Variants in PKP2 observed in about 807,000 individuals in gnomAD.
The protein encoded by PKP2 is plakophilin-2.
PKP2 carries 73 observed loss-of-function variants against 83.4 expected under a neutral mutation model. The observed-to-expected ratio is 0.88, with a 90% confidence interval of 0.72 to 1.06. PKP2 has a LOEUF of 1.06. Ranked by LOEUF, PKP2 falls within the 50% of genes least tolerant of loss-of-function variation. The probability of loss-of-function intolerance (pLI) is 0.00; values close to 1 mark genes in which losing one functional copy is unlikely to be tolerated. For missense variants in PKP2, 966 were observed against 1,065.4 expected, an observed-to-expected ratio of 0.91 and a Z score of 1.30; for synonymous variants, 409 against 430.4, an observed-to-expected ratio of 0.95 and a Z score of 0.62.
At chr12:32,864,791 C>T (rs1956832158) in intron 4 of PKP2, among the ~76,000 whole-genome samples, 1 of 152,142 alleles carries the variant, frequency 6.6e-6, no homozygotes, top group South Asian at 2.1e-4. Flanking sequence ...CGATAGTAAT[C>T]AAGACTGTGG....
chr12:32,817,311 C>G (rs763050294), intron 9 of PKP2, among the ~76,000 whole-genome samples: 1 of 152,176 alleles, frequency 6.6e-6, no homozygotes, highest in African/African-American at 2.4e-5. Flanking sequence ...ACGTTAAGAC[C>G]TCAAAATGTA....
intron 1 of PKP2, among the ~76,000 whole-genome samples, chr12:32,879,881 A>G (rs1325436183): frequency 6.6e-6 from 1 of 151,992 alleles, no homozygotes; most frequent in African/African-American, 2.4e-5. Context: ...TTAAAAAAAG[A>G]AAAAGAAGGG....
At chr12:32,836,693 A>C (rs181322809) in intron 6 of PKP2, among the ~76,000 whole-genome samples, 9 of 152,346 alleles carry the variant, frequency 5.9e-5, no homozygotes, top group East Asian at 3.9e-4. Flanking sequence ...TCTGAAAATA[A>C]CACCAATGAA....
chr12:32,830,706 A>G (rs1179491587), intron 6 of PKP2, among the ~76,000 whole-genome samples: 2 of 152,132 alleles, frequency 1.3e-5, no homozygotes, highest in African/African-American at 4.8e-5. Context: ...CAGGAGTTCA[A>G]GACCGCCTGG....
chr12:32,818,059 T>C (rs1956336452), intron 9 of PKP2, among the ~76,000 whole-genome samples: 1 of 152,156 alleles, frequency 6.6e-6, no homozygotes, highest in Non-Finnish European at 1.5e-5. Context: ...GCCTAGTCTG[T>C]GAAAAAACTG....
intron 3 of PKP2, among the ~76,000 whole-genome samples, chr12:32,874,464 A>G (rs1157806211): frequency 1.3e-5 from 2 of 152,084 alleles, no homozygotes; most frequent in Non-Finnish European, 2.9e-5. Context: ...ATAATCAGAG[A>G]AAAAAAGTTG....
intron 10 of PKP2, among the ~76,000 whole-genome samples, chr12:32,798,016 T>G (rs1240200546): frequency 6.6e-6 from 1 of 151,472 alleles, no homozygotes; most frequent in Non-Finnish European, 1.5e-5. Context: ...AATTAAATAG[T>G]AAATAAATAA....
chr12:32,851,628 C>G (rs1440005823), intron 4 of PKP2, among the ~76,000 whole-genome samples: 1 of 152,116 alleles, frequency 6.6e-6, no homozygotes, highest in Non-Finnish European at 1.5e-5. Flanking sequence ...GCCACCACGC[C>G]CAGCTAATTT....
At chr12:32,853,144 T>A (rs1422962396) in intron 4 of PKP2, among the ~76,000 whole-genome samples, 1 of 152,186 alleles carries the variant, frequency 6.6e-6, no homozygotes, top group African/African-American at 2.4e-5. Context: ...CATCACTTCA[T>A]CTATTCCTAT....
intron 4 of PKP2, among the ~76,000 whole-genome samples, chr12:32,852,947 G>T (rs1367506510): frequency 6.6e-6 from 1 of 152,154 alleles, no homozygotes; most frequent in Admixed American, 6.5e-5. Context: ...AGCCAGGCAT[G>T]GTGGTGGGTG....
intron 9 of PKP2, among the ~76,000 whole-genome samples, chr12:32,807,995 T>C (rs1257459190): frequency 6.6e-6 from 1 of 152,182 alleles, no homozygotes; most frequent in Admixed American, 6.6e-5. Context: ...ATCTGATAAG[T>C]ATGTGTCTTG....
intron 7 of PKP2, among the ~76,000 whole-genome samples, chr12:32,822,902 A>G (rs559890722): frequency 2.6e-5 from 4 of 152,304 alleles, no homozygotes; most frequent in African/African-American, 9.6e-5. Context: ...TAGCTTAGAT[A>G]CGTAACTTAC....
At chr12:32,893,986 C>A (rs1957098648) in intron 1 of PKP2, 1 of 138,396 alleles carries the variant, frequency 7.2e-6, no homozygotes. Flanking sequence ...ATGGCGAGAT[C>A]TCCGCTCACT....
chr12:32,825,497 A>G (rs184780422), intron 6 of PKP2, among the ~76,000 whole-genome samples: 1 of 152,290 alleles, frequency 6.6e-6, no homozygotes, highest in East Asian at 1.9e-4. Flanking sequence ...ACTGGTAGGT[A>G]GAATATCCAG....
intron 6 of PKP2, among the ~76,000 whole-genome samples, chr12:32,835,015 C>A: frequency 1.6e-5 from 1 of 63,936 alleles, no homozygotes; most frequent in Non-Finnish European, 3.9e-5. Flanking sequence ...GTGTGTGTGT[C>A]TAGGAGGGTA....
At position 32,892,823 on chromosome 12, in the gene PKP2, G is replaced by T. The variant is rs924403250; in HGVS notation, c.223+3686C>A. On this transcript the variant is annotated intron_variant, in intron 1 of 12. Transcript: ENST00000340811. ...TCAGATACCTGGGGTGGGGGCGGGG[G>T]GGGGGGGAGAACTGTGTAGCAAGTA... Among the ~76,000 whole-genome samples, 10 of 122,262 alleles carry T rather than the reference G, an allele frequency of 8.2e-5. 3 individuals carry two copies. The highest frequency in any genetic ancestry group is 2.0e-4 in the African/African-American group (7 of 34,438). The allele number at this position is 122,262 out of a possible 152,430, so 80.2% of individuals were successfully genotyped here.
At chr12:32,889,549 C>T (rs557100188) in intron 1 of PKP2, among the ~76,000 whole-genome samples, 8 of 152,292 alleles carry the variant, frequency 5.3e-5, no homozygotes, top group Non-Finnish European at 8.8e-5. Flanking sequence ...GTCAGATTAC[C>T]TGTACATTAG....
chr12:32,836,085 AT>A (rs750203060), intron 6 of PKP2, among the ~76,000 whole-genome samples: 1 of 152,062 alleles, frequency 6.6e-6, no homozygotes, highest in East Asian at 1.9e-4. Context: ...TGTACAATTT[AT>A]TTTCCTCTCC....
chr12:32,809,181 G>A (rs1956253959), intron 9 of PKP2, among the ~76,000 whole-genome samples: 1 of 152,168 alleles, frequency 6.6e-6, no homozygotes, highest in South Asian at 2.1e-4. Context: ...TGCATCCCAG[G>A]GAGAGATCAG....
Sources: allele counts gnomAD v4.1 joint callset (sites outside exome capture counted in the v4.1 genomes callset), GRCh38; gene constraint gnomAD v4.1.1; transcripts MANE v1.5; gene names NCBI Gene and HGNC (gene_info 2026-07-23, HGNC 2026-07-21).